Variants in RPS27 observed in about 807,000 individuals in gnomAD.
The protein encoded by RPS27 is ribosomal protein S27.
Under a neutral mutation model 11.8 loss-of-function variants are expected in RPS27, and 1 was observed. That is an observed-to-expected ratio of 0.08 (90% CI 0.03 to 0.40). The LOEUF (loss-of-function observed/expected upper bound fraction) is 0.40, where lower values mean the gene tolerates loss of function less well. RPS27 is among the 10% of genes least tolerant of loss of function. The pLI is 0.98. For missense variants in RPS27, 44 were observed against 100.1 expected (o/e 0.44, Z 2.39); for synonymous variants, 42 against 33.8 (o/e 1.24, Z -0.84).
In RPS27 at chr1:153,991,456, C is replaced by T. The variant is rs956402950; in HGVS notation, c.116-110C>T. The T allele has an allele frequency of 5.7e-5, 78 of 1,356,630 alleles. No homozygotes were observed. The Admixed American group carries it at 1.4e-3, about 24-fold the overall frequency. 84.0% of individuals were successfully genotyped at this position (1,356,630 alleles called of 1,614,324 possible). ...ATCTCTCATCACATTTCACATACAA[C>T]CCCTACGTTTTTTTGTGTTGGGAAA... On this transcript the variant is annotated intron_variant, in intron 2 of 3. Transcript: ENST00000651669.
intron 2 of RPS27, 38 bp from the exon 3 acceptor site, chr1:153,991,528 G>T (rs749497079): frequency 1.3e-6 from 2 of 1,500,862 alleles, no homozygotes; most frequent in Non-Finnish European, 1.9e-6. Context: ...AAAGACGGGT[G>T]TAATAGAGGA....
chr1:153,991,524 G>C, intron 2 of RPS27, 42 bp from the exon 3 acceptor site: 1 of 1,357,150 alleles, frequency 7.4e-7, no homozygotes, highest in Non-Finnish European at 1.0e-6. Flanking sequence ...CAGGAAAGAC[G>C]GGTGTAATAG....
chr1:153,991,384 G>A (rs1649393753), intron 2 of RPS27, 161 bp downstream of exon 2: 2 of 1,502,740 alleles, frequency 1.3e-6, no homozygotes, highest in Middle Eastern at 4.7e-4. Context: ...GAATGTATGA[G>A]ACTGGCAAAG....
intron 1 of RPS27, 48 bp downstream of exon 1, chr1:153,990,850 G>T (rs1348012667): frequency 6.2e-7 from 1 of 1,612,700 alleles, no homozygotes; most frequent in African/African-American, 1.3e-5. Flanking sequence ...TGTTCTGTCC[G>T]AACTCTCCCC....
chr1:153,991,145 G>A lies in RPS27; in HGVS notation c.37G>A (p.Glu13Lys), dbSNP rs1269649760. 1 of 1,594,586 alleles carries A rather than the reference G, an allele frequency of 6.3e-7. No homozygotes were observed. The highest frequency in any genetic ancestry group is 8.6e-7 in the Non-Finnish European group (1 of 1,168,362). ...AAAGGATCTCCTTCATCCCTCTCCA[G>A]AAGAGGAGAAGAGGAAACACAAGAA... Reference protein sequence around the residue: ...LAKDLLHPSPEEEKRKHKKKR... With the variant: ...LAKDLLHPSPKEEKRKHKKKR... The change falls in exon 2 of 4, where the codon GAA becomes AAA. Residue 13 changes from glutamate (E) to lysine (K), a missense_variant. By Grantham distance (56) the Glu-to-Lys change is moderately conservative. Coordinates refer to ENST00000651669, the MANE Select transcript of RPS27 (RefSeq NM_001030.6).
intron 1 of RPS27, 142 bp downstream of exon 1, chr1:153,990,944 C>A: frequency 7.6e-7 from 1 of 1,319,490 alleles, no homozygotes; most frequent in Non-Finnish European, 1.1e-6. Flanking sequence ...CAGCGGCCCA[C>A]GGGCCACCCG....
At chr1:153,991,528 G>A (rs749497079) in intron 2 of RPS27, 38 bp from the exon 3 acceptor site, 25 of 1,500,860 alleles carry the variant, frequency 1.7e-5, no homozygotes, top group Admixed American at 3.3e-5. Flanking sequence ...AAAGACGGGT[G>A]TAATAGAGGA....
Position 153,991,585 on chromosome 1 carries a change from G to A in RPS27, c.135G>A (p.Thr45=). 1 of 1,612,632 alleles carries A rather than the reference G, an allele frequency of 6.2e-7. No individual in the cohort carries two copies. Among genetic ancestry groups the A allele is most frequent in the Non-Finnish European group, 8.5e-7 (1 of 1,178,836 alleles). ...VKCPGCYKIT[T]VFSHAQTVVL... is the part of the protein sequence containing the mutation. ...TTTCAGGATGCTATAAAATCACCAC[G>A]GTCTTTAGCCATGCACAAACGGTAG... Residue 45 remains threonine, a synonymous_variant, in exon 3 of 4, where the codon ACG becomes ACA. Transcript: ENST00000651669.
At chr1:153,991,030 C>T in intron 1 of RPS27, 85 bp from the exon 2 acceptor site, 2 of 1,227,324 alleles carry the variant, frequency 1.6e-6, no homozygotes, top group Non-Finnish European at 2.3e-6. Flanking sequence ...GGCGAGCTCT[C>T]CCCGGTGTGT....
At chr1:153,991,066 C>T in intron 1 of RPS27, 49 bp from the exon 2 acceptor site, 3 of 1,424,700 alleles carry the variant, frequency 2.1e-6, no homozygotes, top group South Asian at 2.6e-5. Context: ...TTTCGACCAT[C>T]CCATTTTCGC....
rs749835271 is a variant in RPS27 at position 153,990,784 on chromosome 1, C to G, written c.-13C>G. On this transcript the variant is annotated 5_prime_UTR_variant, in exon 1 of 4. Transcript: ENST00000651669. ...GCTCCTTTCCGGCGGTGACGACCTA[C>G]GCACACGAGAACATGCCTGTGAGTG... is the stretch of plus-strand genomic sequence containing the variant. 5 of 1,614,090 alleles carry G rather than the reference C, an allele frequency of 3.1e-6. No individual in the cohort carries two copies. The highest frequency in any genetic ancestry group is 1.1e-5 in the South Asian group (1 of 91,096).
chr1:153,991,450 A>G (rs536075603), intron 2 of RPS27, 116 bp from the exon 3 acceptor site: 17 of 1,363,370 alleles, frequency 1.2e-5, no homozygotes, highest in Non-Finnish European at 1.5e-5. Context: ...CACATTTCAC[A>G]TACAACCCCT....
intron 1 of RPS27, 84 bp from the exon 2 acceptor site, chr1:153,991,031 C>A (rs1649365831): frequency 2.4e-6 from 3 of 1,227,876 alleles, no homozygotes. Flanking sequence ...GCGAGCTCTC[C>A]CCGGTGTGTG....
intron 3 of RPS27, 111 bp from the exon 4 acceptor site, chr1:153,991,954 G>GA: frequency 9.7e-7 from 1 of 1,031,466 alleles, no homozygotes; most frequent in Non-Finnish European, 1.5e-6. Context: ...TAAGAGTTGA[G>GA]AAAAAAGATG....
chr1:153,991,008 G>A lies in RPS27; in HGVS notation c.7-107G>A, dbSNP rs994312297. 5.3e-6 allele frequency: 6 copies of A among 1,125,274 alleles called. No homozygotes were observed. The African/African-American group carries it at 9.4e-5, about 18-fold the overall frequency. The allele number at this position is 1,125,274 out of a possible 1,614,324, so 69.7% of individuals were successfully genotyped here. ...TGGCGGCCCAGCTGCGCAGACACCA[G>A]GGGCGGCGAGGGGCGAGCTCTCCCC... On this transcript the variant is annotated intron_variant, in intron 1 of 3. Transcript: ENST00000651669.
intron 3 of RPS27, 87 bp downstream of exon 3, chr1:153,991,763 G>A: frequency 1.2e-6 from 1 of 855,996 alleles, no homozygotes; most frequent in Non-Finnish European, 1.9e-6. Context: ...TCTTAACAGT[G>A]ACAGGGATCA....
intron 3 of RPS27, 158 bp downstream of exon 3, chr1:153,991,834 C>T (rs972647418): frequency 1.3e-5 from 9 of 666,980 alleles, no homozygotes; most frequent in South Asian, 5.5e-5. Flanking sequence ...TAGATACTAC[C>T]AAAAGCTATG....
At chr1:153,992,041 A>G (rs745500558) in intron 3 of RPS27, 24 bp from the exon 4 acceptor site, 4 of 1,612,234 alleles carry the variant, frequency 2.5e-6, no homozygotes, top group South Asian at 2.2e-5. Flanking sequence ...GATGACAGCT[A>G]ATCTCTGAAT....
intron 1 of RPS27, 61 bp from the exon 2 acceptor site, chr1:153,991,054 A>G: frequency 5.9e-6 from 8 of 1,365,140 alleles, no homozygotes; most frequent in Non-Finnish European, 8.0e-6. Context: ...AGTGGGGGCT[A>G]TTTTCGACCA....
Sources: allele counts gnomAD v4.1 joint callset, GRCh38; gene constraint gnomAD v4.1.1; transcripts MANE v1.5; gene names NCBI Gene and HGNC (gene_info 2026-07-23, HGNC 2026-07-21).